ZNF717: variants seen among roughly 807,000 people sequenced by gnomAD.
ZNF717 encodes krueppel-like factor X17.
A neutral mutation model predicts 13.8 loss-of-function variants in ZNF717; 9 were observed. That is an observed-to-expected ratio of 0.65 (90% CI 0.39 to 1.14). The LOEUF is 1.14. Ranked by LOEUF, ZNF717 falls within the 50% of genes most tolerant of loss-of-function variation. The pLI is 0.01. For synonymous variants in ZNF717, 327 were observed against 364.1 expected, an observed-to-expected ratio of 0.90 and a Z score of 1.16; for missense variants, 1,040 against 1,080.7, an observed-to-expected ratio of 0.96 and a Z score of 0.53.
At position 75,741,083 on chromosome 3, in the gene ZNF717, T is replaced by A. The variant is rs1344994783; in HGVS notation, c.277+193A>T. ...TGGATTTGGGGTAAATAGAAGAAGATACTCAGAAAAATAAGAGACTGGGAT... is the reference window on the plus strand; with the variant it reads ...TGGATTTGGGGTAAATAGAAGAAGAAACTCAGAAAAATAAGAGACTGGGAT... On this transcript the variant is annotated intron_variant, in intron 4 of 4. Transcript: ENST00000652011. 1.2e-4 allele frequency among the ~76,000 whole-genome samples: 19 copies of A among 152,238 alleles called. No homozygotes were observed. The South Asian group carries it at 3.9e-3, about 32-fold the overall frequency.
chr3:75,715,762 G>C lies in ZNF717; in HGVS notation n.667+657C>G, dbSNP rs1361331186. Among the ~76,000 whole-genome samples the C allele has an allele frequency of 6.0e-3, 918 of 152,276 alleles. 7 individuals carry two copies. Among genetic ancestry groups the C allele is most frequent in the African/African-American group, 0.02 (828 of 41,568 alleles). ...AGTGAATGGGCAGAAGAAGGACAGA[G>C]AGAGGTATACAGAGAACTTAGAAAA... On this transcript the variant is annotated intron_variant and non_coding_transcript_variant, in intron 5 of 5. Transcript: ENST00000491507.
chr3:75,703,993 G>A (rs1937749413), intron 6 of ZNF717, among the ~76,000 whole-genome samples: 1 of 152,306 alleles, frequency 6.6e-6, no homozygotes, highest in East Asian at 1.9e-4. Context: ...ATGTATAAAT[G>A]TCCTAGGAGT....
At chr3:75,748,928 C>T (rs1453339753) in intron 2 of ZNF717, among the ~76,000 whole-genome samples, 1 of 151,960 alleles carries the variant, frequency 6.6e-6, no homozygotes, top group Non-Finnish European at 1.5e-5. Context: ...TCTCTTTGCC[C>T]TCACATAAGA....
chr3:75,738,232 G>C lies in ZNF717; in HGVS notation c.1391C>G (p.Ser464Ter). 1.3e-6 allele frequency: 2 copies of C among 1,542,758 alleles called. No individual in the cohort carries two copies. Among genetic ancestry groups the C allele is most frequent in the African/African-American group, 1.4e-5 (1 of 72,694 alleles). Reference protein sequence around the residue: ...NECGKPFINKSNLRLHQRTHT... With the variant: ...NECGKPFINK Reference sequence around the variant, plus strand: ...AGTTCTCTGATGTAACCTGAGGTTTGACTTATTGATAAAGGGTTTTCCACA... The same window carrying C: ...AGTTCTCTGATGTAACCTGAGGTTTCACTTATTGATAAAGGGTTTTCCACA... Residue 464 changes from serine (S) to a stop codon, truncating the protein, a stop_gained, in exon 5 of 5, where the codon TCA becomes TGA. Coordinates refer to ENST00000652011, the MANE Select transcript of ZNF717 (RefSeq NM_001290208.3). LOFTEE classifies it low-confidence loss of function (END_TRUNC).
At chr3:75,761,889 A>G (rs1943047460) in intron 2 of ZNF717, among the ~76,000 whole-genome samples, 1 of 152,256 alleles carries the variant, frequency 6.6e-6, no homozygotes, top group East Asian at 1.9e-4. Context: ...CTCTGTCTCT[A>G]TTAAAAATAC....
chr3:75,746,704 C>G (rs1396081224), intron 2 of ZNF717, among the ~76,000 whole-genome samples: 2 of 152,064 alleles, frequency 1.3e-5, no homozygotes, highest in African/African-American at 4.8e-5. Context: ...CTGTTCATAT[C>G]CTTCGCCCAC....
downstream of ZNF717, among the ~76,000 whole-genome samples, chr3:75,731,302 G>T (rs1325842759): frequency 2.6e-5 from 4 of 152,290 alleles, no homozygotes; most frequent in Admixed American, 2.6e-4. Flanking sequence ...GCTTGAACCT[G>T]GGAGGTGGAG....
intron 2 of ZNF717, among the ~76,000 whole-genome samples, chr3:75,742,250 G>T (rs796536344): frequency 6.7e-6 from 1 of 149,476 alleles, no homozygotes; most frequent in Non-Finnish European, 1.5e-5. Flanking sequence ...CTTGAGTCCA[G>T]GAGTTTGACA....
chr3:75,781,929 T>C (rs567871422), intron 2 of ZNF717, among the ~76,000 whole-genome samples: 2 of 152,312 alleles, frequency 1.3e-5, no homozygotes, highest in East Asian at 3.9e-4. Flanking sequence ...TGTCTGTTTT[T>C]TCTTCTGTAA....
intron 2 of ZNF717, among the ~76,000 whole-genome samples, chr3:75,778,432 C>T (rs868718425): frequency 1.3e-5 from 2 of 149,956 alleles, no homozygotes; most frequent in South Asian, 4.2e-4. Flanking sequence ...AAAACCGGAA[C>T]CCAAAACAAT....
At chr3:75,767,471 G>A (rs1943572166) in intron 2 of ZNF717, among the ~76,000 whole-genome samples, 1 of 152,262 alleles carries the variant, frequency 6.6e-6, no homozygotes, top group Non-Finnish European at 1.5e-5. Context: ...AGCCGCTGTG[G>A]TAATCAGAAG....
At position 75,737,224 on chromosome 3, in the gene ZNF717, A is replaced by G. The variant is rs1939403629; in HGVS notation, c.2399T>C (p.Val800Ala). 1 of 1,553,450 alleles carries G rather than the reference A, an allele frequency of 6.4e-7. No homozygotes were observed. Among genetic ancestry groups the G allele is most frequent in the Admixed American group, 2.0e-5 (1 of 51,104 alleles). The change falls in exon 5 of 5, where the codon GTT (valine) becomes GCT (alanine). Residue 800 changes from valine to alanine, a missense_variant. By Grantham distance (64) the Val-to-Ala change is moderately conservative. Coordinates refer to ENST00000652011, the MANE Select transcript of ZNF717 (RefSeq NM_001290208.3). ...ECRKTFYDKT[V>A]LTIHQRTHTG... Reference sequence around the variant, plus strand: ...GTGAGTTCTCTGATGTATGGTGAGAACTGTCTTATCGTAAAAAGTTTTCCT... The same window carrying G: ...GTGAGTTCTCTGATGTATGGTGAGAGCTGTCTTATCGTAAAAAGTTTTCCT...
intron 2 of ZNF717, chr3:75,741,976 T>A (rs1940523969): frequency 2.0e-6 from 1 of 507,654 alleles, no homozygotes; most frequent in Non-Finnish European, 3.5e-6. Context: ...TTATGTATTT[T>A]ACATAAGATG....
intron 5 of ZNF717, among the ~76,000 whole-genome samples, chr3:75,712,052 T>C (rs1217414452): frequency 2.0e-5 from 3 of 152,244 alleles, no homozygotes; most frequent in Admixed American, 2.0e-4. Flanking sequence ...TTTCAGGACA[T>C]ATATTTCACC....
In ZNF717 at chr3:75,738,017, C is replaced by A. The variant is rs1280458086; in HGVS notation, c.1606G>T (p.Ala536Ser). The change falls in exon 5 of 5, where the codon GCA becomes TCA. Residue 536 changes from alanine (A) to serine (S), a missense_variant. Ala to Ser is a moderately conservative substitution (Grantham distance 99, BLOSUM62 1). Transcript: ENST00000652011. ...QRTHAGEKPY[A>S]CNECGKTYSH... ...TATGTTTTTCCACATTCGTTACATGCGTATGGTTTTTCCCCAGCATGAGTT... is the reference window on the plus strand; with the variant it reads ...TATGTTTTTCCACATTCGTTACATGAGTATGGTTTTTCCCCAGCATGAGTT... The A allele has an allele frequency of 3.7e-6, 5 of 1,343,388 alleles. No homozygotes were observed. The highest frequency in any genetic ancestry group is 5.0e-6 in the Non-Finnish European group (5 of 1,007,194). The allele number at this position is 1,343,388 out of a possible 1,614,324, so 83.2% of individuals were successfully genotyped here.
At chr3:75,724,886 G>A (rs1410612607) in intron 4 of ZNF717, among the ~76,000 whole-genome samples, 3 of 152,264 alleles carry the variant, frequency 2.0e-5, no homozygotes, top group East Asian at 3.8e-4. Context: ...CACTGTTCCA[G>A]GTATAGCTCT....
downstream of ZNF717, among the ~76,000 whole-genome samples, chr3:75,735,337 A>G (rs1408482789): frequency 2.6e-5 from 4 of 152,076 alleles, no homozygotes; most frequent in Non-Finnish European, 5.9e-5. Flanking sequence ...ACTAGTAAAA[A>G]CCAAAGTATA....
chr3:75,750,591 A>G (rs1219825521), intron 2 of ZNF717, among the ~76,000 whole-genome samples: 1 of 151,246 alleles, frequency 6.6e-6, no homozygotes, highest in Admixed American at 6.6e-5. Context: ...CGAGAGTCCA[A>G]ATGTTTGCCC....
chr3:75,737,614 G>T lies in ZNF717; in HGVS notation c.2009C>A (p.Thr670Lys), dbSNP rs746476310. Reference protein sequence around the residue: ...SFLTIHQRTHTGKNRMDVMNV... With the variant: ...SFLTIHQRTHKGKNRMDVMNV... ...CATTACATCCATACGGTTTTTCCCCGTGTGAGTTCTCTGGTGTATGGTGAG... is the reference window on the plus strand; with the variant it reads ...CATTACATCCATACGGTTTTTCCCCTTGTGAGTTCTCTGGTGTATGGTGAG... Residue 670 changes from threonine to lysine, a missense_variant, in exon 5 of 5, where the codon ACG becomes AAG. Transcript: ENST00000652011. 6 of 1,543,124 alleles carry T rather than the reference G, an allele frequency of 3.9e-6. No homozygotes were observed. Among genetic ancestry groups the T allele is most frequent in the African/African-American group, 1.4e-5 (1 of 72,648 alleles).
Sources: gnomAD v4.1 joint callset for allele counts (sites outside exome capture counted in the v4.1 genomes callset) on GRCh38, gnomAD v4.1.1 for gene constraint, MANE v1.5 for transcripts, NCBI Gene and HGNC (gene_info 2026-07-23, HGNC 2026-07-21) for gene names.